Variants in COG7 observed in about 807,000 individuals in gnomAD.
COG7 encodes the protein component of oligomeric golgi complex 7.
A neutral mutation model predicts 91.5 loss-of-function variants in COG7; 49 were observed. The ratio of observed to expected loss-of-function variants is 0.54; its 90% CI spans 0.43 to 0.68. COG7 has a LOEUF of 0.68. COG7 is among the 30% of genes least tolerant of loss of function. The probability of loss-of-function intolerance (pLI) is 0.00; values close to 1 mark genes in which losing one functional copy is unlikely to be tolerated. For missense variants in COG7, 895 were observed against 961.3 expected, an observed-to-expected ratio of 0.93 and a Z score of 0.91; for synonymous variants, 365 against 388.7, an observed-to-expected ratio of 0.94 and a Z score of 0.72.
rs750923653 is a variant in COG7, at chr16:23,403,849, T to C, written c.1663-15A>G. The C allele has an allele frequency of 3.7e-6, 6 of 1,614,090 alleles. No homozygotes were observed. The highest frequency in any genetic ancestry group is 2.2e-5 in the East Asian group (1 of 44,884). On this transcript the variant is annotated splice_polypyrimidine_tract_variant and intron_variant, in intron 12 of 16. Transcript: ENST00000307149. Reference sequence around the variant, plus strand: ...GACCCTTTTTCCTAAGACAAGAAAATGCAAAAGGCAGTTGTTAGGCCTGAA... The same window carrying C: ...GACCCTTTTTCCTAAGACAAGAAAACGCAAAAGGCAGTTGTTAGGCCTGAA...
intron 1 of COG7, among the ~76,000 whole-genome samples, chr16:23,446,163 G>A (rs981408799): frequency 2.0e-5 from 3 of 152,100 alleles, no homozygotes; most frequent in Admixed American, 6.6e-5. Flanking sequence ...CCGGGATCAC[G>A]TCCCCAGACT....
intron 1 of COG7, chr16:23,446,514 C>A (rs1408867357): frequency 6.7e-6 from 1 of 149,050 alleles, no homozygotes; most frequent in African/African-American, 2.6e-5. Flanking sequence ...TGCAGTGGCG[C>A]AATCTCGGCT....
intron 13 of COG7, among the ~76,000 whole-genome samples, chr16:23,400,981 G>A (rs528567479): frequency 2.7e-5 from 4 of 149,002 alleles, no homozygotes; most frequent in South Asian, 2.1e-4. Flanking sequence ...AAAAAAAAAG[G>A]GGGGGGGGAA....
rs965098710 is a variant in COG7 at position 23,389,063 on chromosome 16, C to T, written c.2170G>A (p.Ala724Thr). ...GTGCGGGACGGCTGCAGGCCCAGGG[C>T]ATCCATCACGTTGATCAGATAGTCT... is the stretch of plus-strand genomic sequence containing the variant. ...DIDYLINVMD[A>T]LGLQPSRTLQ... is the part of the protein sequence containing the mutation. Residue 724 changes from alanine (A) to threonine (T), a missense_variant, in exon 17 of 17, where the codon GCC (alanine) becomes ACC (threonine). Coordinates refer to ENST00000307149, the MANE Select transcript of COG7 (RefSeq NM_153603.4). 6.2e-7 allele frequency: 1 copy of T among 1,614,016 alleles called. No homozygotes were observed. The highest frequency in any genetic ancestry group is 8.5e-7 in the Non-Finnish European group (1 of 1,180,002).
At chr16:23,411,577 T>C (rs555344121) in intron 10 of COG7, among the ~76,000 whole-genome samples, 17 of 152,336 alleles carry the variant, frequency 1.1e-4, no homozygotes, top group Admixed American at 3.3e-4. Context: ...TAAACGTGTG[T>C]CATCGTGGTT....
chr16:23,445,093 C>T lies in COG7; in HGVS notation c.390G>A (p.Lys130=). Residue 130 remains lysine, a synonymous_variant, in exon 3 of 17, where the codon AAG becomes AAA. Transcript: ENST00000307149. ...CAATATCGGCGCTCAACGTGCTCCA[C>T]TTATCTGCTTCCTGAAGAGATTCGG... ...LAAESLQEAD[K]WSTLSADIEE... is the part of the protein sequence containing the mutation. The T allele has an allele frequency of 6.2e-7, 1 of 1,614,162 alleles. No homozygotes were observed. Among genetic ancestry groups the T allele is most frequent in the Non-Finnish European group, 8.5e-7 (1 of 1,180,038 alleles).
At chr16:23,407,455 C>T (rs1963480617) in intron 11 of COG7, among the ~76,000 whole-genome samples, 1 of 152,226 alleles carries the variant, frequency 6.6e-6, no homozygotes. Flanking sequence ...GCAGAATGAT[C>T]TTCCCAGAAG....
chr16:23,413,387 T>C (rs952377813), intron 10 of COG7, 61 bp downstream of exon 10: 4 of 892,414 alleles, frequency 4.5e-6, no homozygotes, highest in African/African-American at 3.3e-5. Flanking sequence ...TTATATACTA[T>C]ATCATGCATG....
intron 13 of COG7, among the ~76,000 whole-genome samples, chr16:23,399,029 C>T (rs1294118157): frequency 6.6e-6 from 1 of 152,142 alleles, no homozygotes; most frequent in Non-Finnish European, 1.5e-5. Flanking sequence ...AAAACAAGGC[C>T]CTTTCTGGCT....
chr16:23,418,859 G>A, intron 7 of COG7, 32 bp from the exon 8 acceptor site: 1 of 1,605,736 alleles, frequency 6.2e-7, no homozygotes, highest in Non-Finnish European at 8.5e-7. Flanking sequence ...AAACGATAAT[G>A]AACAAAGAAT....
chr16:23,388,987 T>C lies in COG7; in HGVS notation c.2246A>G (p.Gln749Arg). The C allele has an allele frequency of 6.2e-7, 1 of 1,614,130 alleles. No homozygotes were observed. The highest frequency in any genetic ancestry group is 8.5e-7 in the Non-Finnish European group (1 of 1,180,004). The change falls in exon 17 of 17, where the codon CAG (glutamine) becomes CGG (arginine). Residue 749 changes from glutamine (Q) to arginine (R), a missense_variant. By Grantham distance (43) the Gln-to-Arg change is conservative. Coordinates refer to ENST00000307149, the MANE Select transcript of COG7 (RefSeq NM_153603.4). ...GCGACGGGGCAGGCCTTTGCTGACCTGTCTATAGTCCTCAGGCCTGGTCTT... is the reference window on the plus strand; with the variant it reads ...GCGACGGGGCAGGCCTTTGCTGACCCGTCTATAGTCCTCAGGCCTGGTCTT... ...LLKTRPEDYRQVSKGLPRRLA... is the reference protein window; with the variant it reads ...LLKTRPEDYRRVSKGLPRRLA...
intron 3 of COG7, among the ~76,000 whole-genome samples, chr16:23,443,183 T>C (rs1596955738): frequency 6.6e-6 from 1 of 152,342 alleles, no homozygotes; most frequent in East Asian, 1.9e-4. Context: ...CAATCTGGTA[T>C]CATAAATTTA....
At chr16:23,405,893 T>C (rs956186019) in intron 12 of COG7, among the ~76,000 whole-genome samples, 183 bp downstream of exon 12, 3 of 152,184 alleles carry the variant, frequency 2.0e-5, no homozygotes, top group African/African-American at 4.8e-5. Flanking sequence ...TGTATCTCAA[T>C]GGGTTTCAAG....
chr16:23,444,964 C>G, intron 3 of COG7, 84 bp downstream of exon 3: 1 of 1,016,264 alleles, frequency 9.8e-7, no homozygotes, highest in Non-Finnish European at 1.6e-6. Context: ...TATTGGCTAT[C>G]AACTTTGTAT....
chr16:23,406,338 CTTACT>C, intron 11 of COG7, 76 bp from the exon 12 acceptor site: 1 of 1,262,802 alleles, frequency 7.9e-7, no homozygotes, highest in Non-Finnish European at 1.1e-6. Flanking sequence ...CAGATTGCTC[CTTACT>C]AAATTCAAAG....
Position 23,417,094 on chromosome 16 carries a change from G to A in COG7, c.1165C>T (p.Gln389Ter). 6.2e-7 allele frequency: 1 copy of A among 1,614,204 alleles called. No homozygotes were observed. Among genetic ancestry groups the A allele is most frequent in the Non-Finnish European group, 8.5e-7 (1 of 1,180,040 alleles). ...LEHGEVIDCVQELSHSVNKLF... is the reference protein window; with the variant it reads ...LEHGEVIDCV The stretch of plus-strand genomic sequence containing the variant: ...TTGTTCACGGAGTGGCTCAGCTCCT[G>A]CACACAGTCAATCACTTCCCCATGC... Residue 389 changes from glutamine to a stop codon, truncating the protein, a stop_gained, in exon 9 of 17, where the codon CAG becomes TAG. Coordinates refer to ENST00000307149, the MANE Select transcript of COG7 (RefSeq NM_153603.4). LOFTEE classifies it high-confidence loss of function.
In COG7 at chr16:23,418,705, G is replaced by A. The variant is rs1214409136; in HGVS notation, c.1132C>T (p.Pro378Ser). Residue 378 changes from proline to serine, a missense_variant, in exon 8 of 17, where the codon CCT (proline) becomes TCT (serine). Pro to Ser is a moderately conservative substitution (Grantham distance 74). Transcript: ENST00000307149. ...SNLLIQMSAV[P>S]LEHGEVIDCV... is the part of the protein sequence containing the mutation. ...CCAGGACACTGCGACTTTACCAGAG[G>A]CACAGCACTCATCTGGATGAGGAGG... is the stretch of plus-strand genomic sequence containing the variant. The A allele has an allele frequency of 6.2e-7, 1 of 1,613,494 alleles. No individual in the cohort carries two copies. The highest frequency in any genetic ancestry group is 8.5e-7 in the Non-Finnish European group (1 of 1,179,894).
intron 14 of COG7, among the ~76,000 whole-genome samples, chr16:23,397,299 A>T (rs1265727815): frequency 6.6e-6 from 1 of 152,254 alleles, no homozygotes; most frequent in Non-Finnish European, 1.5e-5. Context: ...GCAAGAGCGT[A>T]AGGCAGAAAT....
chr16:23,422,085 G>C (rs1254593802), intron 7 of COG7, among the ~76,000 whole-genome samples: 1 of 152,112 alleles, frequency 6.6e-6, no homozygotes, highest in Non-Finnish European at 1.5e-5. Flanking sequence ...CAAGGCAGGA[G>C]AATCACTTGA....
Sources: gnomAD v4.1 joint callset for allele counts (sites outside exome capture counted in the v4.1 genomes callset) on GRCh38, gnomAD v4.1.1 for gene constraint, MANE v1.5 for transcripts, NCBI Gene and HGNC (gene_info 2026-07-23, HGNC 2026-07-21) for gene names.